The following SSH3 variants were observed in gnomAD, a reference collection of about 807,000 sequenced individuals.
SSH3 encodes slingshot protein phosphatase 3.
A neutral mutation model predicts 75.0 loss-of-function variants in SSH3; 67 were observed. The ratio of observed to expected loss-of-function variants is 0.89; its 90% confidence interval spans 0.73 to 1.10. The LOEUF is 1.10. SSH3 is among the 50% of genes least tolerant of loss of function. The probability of loss-of-function intolerance (pLI) is 0.00; values close to 1 mark genes in which losing one functional copy is unlikely to be tolerated. For missense variants in SSH3, 824 were observed against 872.7 expected (o/e 0.94, Z 0.70); for synonymous variants, 318 against 349.2 (o/e 0.91, Z 1.00).
chr11:67,306,161 T>G (rs1222637700), intron 3 of SSH3, among the ~76,000 whole-genome samples: 2 of 151,404 alleles, frequency 1.3e-5, no homozygotes, highest in Admixed American at 6.6e-5. Flanking sequence ...TGGTGGCGGG[T>G]GCCTGTAGTC....
chr11:67,310,737 T>G (rs1473905188), intron 13 of SSH3, among the ~76,000 whole-genome samples: 1 of 152,080 alleles, frequency 6.6e-6, no homozygotes, highest in Non-Finnish European at 1.5e-5. Context: ...CCAGCCTCGA[T>G]CGCGGGCAGG....
Position 67,307,359 on chromosome 11 carries a change from G to A in SSH3, c.537-12G>A. On this transcript the variant is annotated splice_polypyrimidine_tract_variant and intron_variant, in intron 5 of 13. Transcript: ENST00000308127. This position sits in a 1 kb window ranked among gnomAD's most constrained non-coding sequence, Gnocchi z 4.2. ...CTGGAGTCTGGCCTCACCTGTGCCTGGTCTCCTGCAGGGGCTTCAGCGTGA... is the reference window on the plus strand; with the variant it reads ...CTGGAGTCTGGCCTCACCTGTGCCTAGTCTCCTGCAGGGGCTTCAGCGTGA... 6.2e-7 allele frequency: 1 copy of A among 1,613,674 alleles called. No homozygotes were observed. Among genetic ancestry groups the A allele is most frequent in the Non-Finnish European group, 8.5e-7 (1 of 1,179,986 alleles).
At position 67,309,512 on chromosome 11, in the gene SSH3, A is replaced by T; in HGVS notation, c.1177A>T (p.Lys393Ter). Reference sequence around the variant, plus strand: ...GTCGGCCCAGCTGCTGCCGCACTGGAAGGAGACGCACCGCTTCATTGAGGC... The same window carrying T: ...GTCGGCCCAGCTGCTGCCGCACTGGTAGGAGACGCACCGCTTCATTGAGGC... The part of the protein sequence containing the change: ...EESAQLLPHW[K>*]ETHRFIEAAR... Residue 393 changes from lysine (K) to a stop codon, truncating the protein, a stop_gained, in exon 11 of 14, where the codon AAG becomes TAG. Transcript: ENST00000308127. LOFTEE classifies it high-confidence loss of function. 6.2e-7 allele frequency: 1 copy of T among 1,613,980 alleles called. No individual in the cohort carries two copies. Among genetic ancestry groups the T allele is most frequent in the South Asian group, 1.1e-5 (1 of 91,084 alleles).
At chr11:67,304,706 C>A in intron 2 of SSH3, 67 bp from the exon 3 acceptor site, 1 of 1,486,390 alleles carries the variant, frequency 6.7e-7, no homozygotes, top group Non-Finnish European at 9.2e-7. Context: ...GTGATGCATG[C>A]TAGACTTTGA....
chr11:67,307,407 C>T lies in SSH3; in HGVS notation c.573C>T (p.Ile191=). 6.2e-7 allele frequency: 1 copy of T among 1,614,090 alleles called. No individual in the cohort carries two copies. Among genetic ancestry groups the T allele is most frequent in the South Asian group, 1.1e-5 (1 of 91,086 alleles). The stretch of plus-strand genomic sequence containing the variant: ...TGACGTCTGGTGGGCAAAGCCGGAT[C>T]TTCAAGCCCATCTCCATCCAGACCA... The part of the protein sequence containing the change: ...FSVTSGGQSR[I]FKPISIQTMW... Residue 191 remains isoleucine (I), a synonymous_variant, in exon 6 of 14, where the codon ATC becomes ATT. Coordinates refer to ENST00000308127, the MANE Select transcript of SSH3 (RefSeq NM_017857.4). This position sits in a 1 kb window ranked among gnomAD's most constrained non-coding sequence, Gnocchi z 4.2.
chr11:67,307,524 GA>G lies in SSH3; in HGVS notation c.603-24del, dbSNP rs1041990316. 4 of 1,610,690 alleles carry G rather than the reference GA, an allele frequency of 2.5e-6. No individual in the cohort carries two copies. In the African/African-American group the frequency reaches 5.3e-5, roughly 22 times the overall value. ...GGGAAGGGCAGCAAGGGAACAGTGT[GA>G]CCCAGCCTCTCCTCCTGTCTCAGGG... On this transcript the variant is annotated intron_variant, in intron 6 of 13. Coordinates refer to ENST00000308127, the MANE Select transcript of SSH3 (RefSeq NM_017857.4). The surrounding 1 kb of genome is among the most constrained non-coding windows in gnomAD (Gnocchi z 4.2).
At chr11:67,304,660 C>A in intron 2 of SSH3, 113 bp from the exon 3 acceptor site, 1 of 1,080,354 alleles carries the variant, frequency 9.3e-7, no homozygotes, top group Non-Finnish European at 1.4e-6. Context: ...CGCGTGGGGG[C>A]CCATGAATCC....
chr11:67,303,985 G>A, intron 1 of SSH3, 133 bp from the exon 2 acceptor site: 1 of 1,221,386 alleles, frequency 8.2e-7, no homozygotes, highest in Non-Finnish European at 1.1e-6. Flanking sequence ...CTCCCGGTGG[G>A]GCGTGGACTG....
rs530739672 is a variant in SSH3 at position 67,305,003 on chromosome 11, G to T, written c.335G>T (p.Arg112Leu). Residue 112 changes from arginine to leucine, a missense_variant, in exon 3 of 14, where the codon CGC (arginine) becomes CTC (leucine). Transcript: ENST00000308127. ...VQLLRPQDDI[R>L]LAAQLEAPRP... ...CTGCTGAGGCCGCAGGATGACATCC[G>T]CCTGGTGAGGGCCCATGTGGAGCTC... 1.2e-6 allele frequency: 2 copies of T among 1,608,126 alleles called. No individual in the cohort carries two copies. Among genetic ancestry groups the T allele is most frequent in the East Asian group, 2.2e-5 (1 of 44,664 alleles).
chr11:67,307,892 T>C lies in SSH3; in HGVS notation c.838T>C (p.Trp280Arg). ...QMEQAIRAEL[W>R]KVLDVSDLES... ...GGAGCAGGCGATCCGTGCTGAGCTG[T>C]GGAAAGTGTTGGATGTCAGTGACCT... Residue 280 changes from tryptophan (W) to arginine (R), a missense_variant, in exon 8 of 14, where the codon TGG becomes CGG. Trp to Arg is a moderately radical substitution (Grantham distance 101). Coordinates refer to ENST00000308127, the MANE Select transcript of SSH3 (RefSeq NM_017857.4). This position sits in a 1 kb window ranked among gnomAD's most constrained non-coding sequence, Gnocchi z 4.2. The C allele has an allele frequency of 1.2e-6, 2 of 1,614,180 alleles. No homozygotes were observed. Among genetic ancestry groups the C allele is most frequent in the Non-Finnish European group, 1.7e-6 (2 of 1,180,024 alleles).
rs561698271 is a variant in SSH3, at chr11:67,309,855, C to A, written c.1296C>A (p.Tyr432Ter). Residue 432 changes from tyrosine (Y) to a stop codon, truncating the protein, a stop_gained, in exon 12 of 14, where the codon TAC (tyrosine) becomes TAA (stop). Transcript: ENST00000308127. LOFTEE classifies it high-confidence loss of function. Reference protein sequence around the residue: ...ATVLAYAMKQYECSLEQALRH... With the variant: ...ATVLAYAMKQ The stretch of plus-strand genomic sequence containing the variant: ...TGCTGGCCTATGCCATGAAGCAGTA[C>A]GAATGCAGCCTGGAGCAGGCCCTGC... 3.7e-6 allele frequency: 6 copies of A among 1,613,070 alleles called. No individual in the cohort carries two copies. Among genetic ancestry groups the A allele is most frequent in the Non-Finnish European group, 3.4e-6 (4 of 1,180,038 alleles).
At position 67,311,961 on chromosome 11, in the gene SSH3, G is replaced by C; in HGVS notation, c.*74G>C. The stretch of plus-strand genomic sequence containing the variant: ...TCCTTGGAGAAACACCCTCACGTCT[G>C]TTGCCGCACACATTCCTCTCAGCTC... On this transcript the variant is annotated 3_prime_UTR_variant, in exon 14 of 14. Coordinates refer to ENST00000308127, the MANE Select transcript of SSH3 (RefSeq NM_017857.4). The C allele has an allele frequency of 6.3e-7, 1 of 1,575,092 alleles. No individual in the cohort carries two copies. The highest frequency in any genetic ancestry group is 8.6e-7 in the Non-Finnish European group (1 of 1,165,018).
At position 67,307,373 on chromosome 11, in the gene SSH3, G is replaced by C. The variant is rs759167879; in HGVS notation, c.539G>C (p.Gly180Ala). ...DTQVYLDGDG[G>A]FSVTSGGQSR... ...CACCTGTGCCTGGTCTCCTGCAGGG[G>C]CTTCAGCGTGACGTCTGGTGGGCAA... is the stretch of plus-strand genomic sequence containing the variant. The change falls in exon 6 of 14, where the codon GGC (glycine) becomes GCC (alanine). Residue 180 changes from glycine (G) to alanine (A), a missense_variant and splice_region_variant. By Grantham distance (60) the Gly-to-Ala change is moderately conservative. Coordinates refer to ENST00000308127, the MANE Select transcript of SSH3 (RefSeq NM_017857.4). This position sits in a 1 kb window ranked among gnomAD's most constrained non-coding sequence, Gnocchi z 4.2. 5.0e-6 allele frequency: 8 copies of C among 1,613,858 alleles called. No homozygotes were observed. Among genetic ancestry groups the C allele is most frequent in the Admixed American group, 1.7e-5 (1 of 60,018 alleles).
At chr11:67,305,343 T>A (rs1861211080) in intron 3 of SSH3, among the ~76,000 whole-genome samples, 1 of 152,048 alleles carries the variant, frequency 6.6e-6, no homozygotes, top group Non-Finnish European at 1.5e-5. Flanking sequence ...CCCGCCACTA[T>A]GCCTGGCTAA....
intron 2 of SSH3, 33 bp from the exon 3 acceptor site, chr11:67,304,740 A>T: frequency 6.4e-7 from 1 of 1,564,148 alleles, no homozygotes; most frequent in Non-Finnish European, 8.7e-7. Flanking sequence ...AAGGGGAATG[A>T]GGAGCCATGA....
Position 67,312,004 on chromosome 11 carries a change from T to C in SSH3, c.*117T>C. 3.6e-6 allele frequency: 5 copies of C among 1,384,024 alleles called. No individual in the cohort carries two copies. Among genetic ancestry groups the C allele is most frequent in the Non-Finnish European group, 3.9e-6 (4 of 1,036,098 alleles). The allele number at this position is 1,384,024 out of a possible 1,614,324, so 85.7% of individuals were successfully genotyped here. A position where few individuals can be genotyped will look rare whatever the true frequency, so the allele number is the denominator to read the frequency against. ...CTCAGCTCCGCCCCATACCCGTCAC[T>C]ACAGCCTCACCTCCCACCCCTGTCA... On this transcript the variant is annotated 3_prime_UTR_variant, in exon 14 of 14. Coordinates refer to ENST00000308127, the MANE Select transcript of SSH3 (RefSeq NM_017857.4).
rs201529209 is a variant in SSH3 at position 67,309,470 on chromosome 11, C to T, written c.1135C>T (p.Arg379Cys). ...TGAGCGCTTCACCTACCACAATGTG[C>T]GCCTCTGGGATGAGGAGTCGGCCCA... ...YPERFTYHNV[R>C]LWDEESAQLL... Residue 379 changes from arginine to cysteine, a missense_variant, in exon 11 of 14, where the codon CGC becomes TGC. Coordinates refer to ENST00000308127, the MANE Select transcript of SSH3 (RefSeq NM_017857.4). 132 of 1,613,996 alleles carry T rather than the reference C, an allele frequency of 8.2e-5. No individual in the cohort carries two copies. Among genetic ancestry groups the T allele is most frequent in the Non-Finnish European group, 1.0e-4 (119 of 1,180,040 alleles).
Position 67,309,793 on chromosome 11 carries a change from C to T in SSH3, c.1234C>T (p.His412Tyr). 1 of 1,613,276 alleles carries T rather than the reference C, an allele frequency of 6.2e-7. No individual in the cohort carries two copies. The highest frequency in any genetic ancestry group is 1.1e-5 in the South Asian group (1 of 91,090). Reference protein sequence around the residue: ...ARAQGTHVLVHCKMGVSRSAA... With the variant: ...ARAQGTHVLVYCKMGVSRSAA... ...AGCACAGGGCACCCACGTGCTGGTC[C>T]ACTGCAAGATGGGCGTCAGCCGCTC... The change falls in exon 12 of 14, where the codon CAC (histidine) becomes TAC (tyrosine). Residue 412 changes from histidine (H) to tyrosine (Y), a missense_variant. His to Tyr is a moderately conservative substitution (Grantham distance 83, BLOSUM62 2). Coordinates refer to ENST00000308127, the MANE Select transcript of SSH3 (RefSeq NM_017857.4).
chr11:67,303,606 G>A lies in SSH3; in HGVS notation c.-20G>A. 1 of 1,518,322 alleles carries A rather than the reference G, an allele frequency of 6.6e-7. No individual in the cohort carries two copies. The highest frequency in any genetic ancestry group is 8.8e-7 in the Non-Finnish European group (1 of 1,139,500). 94.1% of individuals were successfully genotyped at this position (1,518,322 alleles called of 1,614,324 possible). The stretch of plus-strand genomic sequence containing the variant: ...AGGGGCCGTGCCCGGTGCCAGCCCA[G>A]GTGCTCGCGGCCTGGCTCCATGGCC... On this transcript the variant is annotated 5_prime_UTR_variant, in exon 1 of 14. Transcript: ENST00000308127.
Sources: gnomAD v4.1 joint callset for allele counts (sites outside exome capture counted in the v4.1 genomes callset) on GRCh38, gnomAD v4.1.1 for gene constraint, Gnocchi (gnomAD v3.1) non-coding constraint, MANE v1.5 for transcripts, NCBI Gene and HGNC (gene_info 2026-07-23, HGNC 2026-07-21) for gene names.